The following ANKRD31 variants were observed in gnomAD, a reference collection of about 807,000 sequenced individuals.
ANKRD31 encodes ankyrin repeat domain-containing protein 31.
Under a neutral mutation model 186.0 loss-of-function variants are expected in ANKRD31, and 147 were observed. That is an observed-to-expected ratio of 0.79 (90% CI 0.69 to 0.91). The LOEUF is 0.91. ANKRD31 is among the 40% of genes least tolerant of loss of function. ANKRD31 has a pLI of 0.00. For synonymous variants in ANKRD31, 673 were observed against 736.4 expected (o/e 0.91, Z 1.39); for missense variants, 1,986 against 2,148.8 (o/e 0.92, Z 1.50).
intron 12 of ANKRD31, among the ~76,000 whole-genome samples, chr5:75,153,408 G>A (rs766354190): frequency 6.6e-6 from 1 of 152,106 alleles, no homozygotes; most frequent in Non-Finnish European, 1.5e-5. Flanking sequence ...TAAGAAGGGG[G>A]CAGTTGCAGT....
intron 17 of ANKRD31, among the ~76,000 whole-genome samples, chr5:75,120,169 G>A (rs1329258458): frequency 6.6e-6 from 1 of 152,102 alleles, no homozygotes; most frequent in East Asian, 1.9e-4. Flanking sequence ...GCTGAGGCAG[G>A]AAACTGCTTG....
rs557245822 is a variant in ANKRD31 at position 75,226,510 on chromosome 5, A to C, written c.178+4052T>G. Among the ~76,000 whole-genome samples the C allele has an allele frequency of 1.6e-4, 24 of 152,300 alleles. No homozygotes were observed. In the South Asian group the frequency reaches 5.0e-3, roughly 32 times the overall value. ...GAATGGTAGAAAGTATTTGCAAACTATCCATGTGACAAGGAATTAATAGCC... is the reference window on the plus strand; with the variant it reads ...GAATGGTAGAAAGTATTTGCAAACTCTCCATGTGACAAGGAATTAATAGCC... On this transcript the variant is annotated intron_variant, in intron 2 of 25. Coordinates refer to ENST00000506364, the MANE Select transcript of ANKRD31 (RefSeq NM_001372053.1).
intron 17 of ANKRD31, among the ~76,000 whole-genome samples, chr5:75,128,204 A>G (rs1749405167): frequency 6.6e-6 from 1 of 151,578 alleles, no homozygotes; most frequent in African/African-American, 2.4e-5. Context: ...TGGGAGTTGA[A>G]CAATGAAAAC....
intron 22 of ANKRD31, among the ~76,000 whole-genome samples, chr5:75,094,582 T>C (rs1746169629): frequency 6.6e-6 from 1 of 152,042 alleles, no homozygotes; most frequent in African/African-American, 2.4e-5. Flanking sequence ...TGGAAAATAT[T>C]CACCGATTGC....
intron 22 of ANKRD31, among the ~76,000 whole-genome samples, chr5:75,095,797 T>C (rs1442362054): frequency 6.6e-6 from 1 of 152,160 alleles, no homozygotes; most frequent in African/African-American, 2.4e-5. Flanking sequence ...TTAAACTTTA[T>C]CATGGGTATG....
chr5:75,115,236 A>T (rs1355907309), intron 19 of ANKRD31, among the ~76,000 whole-genome samples: 2 of 150,322 alleles, frequency 1.3e-5, no homozygotes, highest in Non-Finnish European at 3.0e-5. Context: ...TCCCTTCCTT[A>T]CACCTTATAC....
intron 25 of ANKRD31, among the ~76,000 whole-genome samples, chr5:75,074,437 A>G (rs1374956836): frequency 1.3e-5 from 2 of 152,182 alleles, no homozygotes; most frequent in Non-Finnish European, 2.9e-5. Flanking sequence ...TTTAGCAGGA[A>G]CCTGCACTTT....
Position 75,114,133 on chromosome 5 carries a change from C to CT in ANKRD31, c.4156-1534dup, listed in dbSNP as rs1186438461. On this transcript the variant is annotated intron_variant, in intron 19 of 25. Transcript: ENST00000506364. ...TATCTTATTAAGCAACTGCTATGTT[C>CT]TTTTTTTTCAAAAGTTACCTTTACA... Among the ~76,000 whole-genome samples, 5 of 152,058 alleles carry CT rather than the reference C, an allele frequency of 3.3e-5. No homozygotes were observed. The East Asian group carries it at 5.8e-4, about 18-fold the overall frequency.
chr5:75,108,608 G>GA (rs1747523649), intron 20 of ANKRD31, among the ~76,000 whole-genome samples: 1 of 152,112 alleles, frequency 6.6e-6, no homozygotes, highest in South Asian at 2.1e-4. Flanking sequence ...ATCTGTGGTA[G>GA]AAAATGACAT....
At chr5:75,091,978 A>G (rs1454496909) in intron 22 of ANKRD31, among the ~76,000 whole-genome samples, 1 of 152,132 alleles carries the variant, frequency 6.6e-6, no homozygotes, top group Non-Finnish European at 1.5e-5. Flanking sequence ...CGGAAAACAC[A>G]TGAAGCTACT....
chr5:75,111,603 T>C (rs1747793798), intron 20 of ANKRD31, among the ~76,000 whole-genome samples: 1 of 152,190 alleles, frequency 6.6e-6, no homozygotes, highest in Admixed American at 6.5e-5. Context: ...TACTTTAAAT[T>C]ACCTTACTTT....
chr5:75,187,022 AGTGT>A (rs10624220), intron 10 of ANKRD31, among the ~76,000 whole-genome samples: 10,711 of 142,596 alleles, frequency 0.075, 951 homozygotes, highest in African/African-American at 0.22. Flanking sequence ...TGAGACACAG[AGTGT>A]GTGTGTGTGT....
At chr5:75,133,964 C>T (rs1214162967) in intron 17 of ANKRD31, among the ~76,000 whole-genome samples, 1 of 151,868 alleles carries the variant, frequency 6.6e-6, no homozygotes, top group African/African-American at 2.4e-5. Context: ...TCTTGGAAAC[C>T]AACGAGAACA....
chr5:75,106,486 T>C (rs751607748), intron 21 of ANKRD31, among the ~76,000 whole-genome samples: 4 of 151,994 alleles, frequency 2.6e-5, no homozygotes, highest in Non-Finnish European at 5.9e-5. Flanking sequence ...TAGCATAAAA[T>C]GCAAAAGAAA....
At chr5:75,194,733 C>G (rs1007817912) in intron 7 of ANKRD31, among the ~76,000 whole-genome samples, 25 of 151,912 alleles carry the variant, frequency 1.6e-4, no homozygotes, top group African/African-American at 5.3e-4. Flanking sequence ...GAAAGATAAA[C>G]AAAACACATT....
At position 75,104,748 on chromosome 5, in the gene ANKRD31, G is replaced by T; in HGVS notation, c.4811C>A (p.Ser1604Tyr). The T allele has an allele frequency of 6.5e-7, 1 of 1,537,232 alleles. No individual in the cohort carries two copies. The highest frequency in any genetic ancestry group is 8.7e-7 in the Non-Finnish European group (1 of 1,146,896). ...TTGACCAATAAAAGCAACAGGTTGG[G>T]ATGGTAATTTATTCTTCTCTGTGCC... is the stretch of plus-strand genomic sequence containing the variant. ...SDGTEKNKLP[S>Y]QPVAFIGQTE... is the part of the protein sequence containing the mutation. The change falls in exon 22 of 26, where the codon TCC becomes TAC. Residue 1604 changes from serine (S) to tyrosine (Y), a missense_variant. Ser to Tyr is a moderately radical substitution (Grantham distance 144, BLOSUM62 -2). Coordinates refer to ENST00000506364, the MANE Select transcript of ANKRD31 (RefSeq NM_001372053.1).
intron 17 of ANKRD31, among the ~76,000 whole-genome samples, chr5:75,131,649 T>A (rs557979048): frequency 1.3e-5 from 2 of 152,268 alleles, no homozygotes; most frequent in South Asian, 4.1e-4. Context: ...TCTGACAGCT[T>A]TGAAGAGAGT....
At chr5:75,132,534 C>T (rs1032921766) in intron 17 of ANKRD31, among the ~76,000 whole-genome samples, 2 of 152,122 alleles carry the variant, frequency 1.3e-5, no homozygotes, top group African/African-American at 4.8e-5. Flanking sequence ...ACCAAATATA[C>T]ATCTGATCGG....
intron 12 of ANKRD31, among the ~76,000 whole-genome samples, chr5:75,153,373 T>C (rs2150157133): frequency 6.6e-6 from 1 of 152,216 alleles, no homozygotes; most frequent in African/African-American, 2.4e-5. Flanking sequence ...TGTTACATAC[T>C]GATAGATAAC....
Sources: allele counts gnomAD v4.1 joint callset (sites outside exome capture counted in the v4.1 genomes callset), GRCh38; gene constraint gnomAD v4.1.1; transcripts MANE v1.5; gene names NCBI Gene and HGNC (gene_info 2026-07-23, HGNC 2026-07-21).